Variants in THSD7A observed in about 807,000 individuals in gnomAD.
The protein encoded by THSD7A is thrombospondin type 1 domain containing 7A, also known as thrombospondin type-1 domain-containing protein 7A.
A neutral mutation model predicts 231.3 loss-of-function variants in THSD7A; 96 were observed. The ratio of observed to expected loss-of-function variants is 0.41; its 90% CI spans 0.35 to 0.49. THSD7A has a LOEUF of 0.49. Among genes scored for constraint, THSD7A ranks in the 20% least tolerant of loss-of-function variants. The probability of loss-of-function intolerance (pLI) is 0.05; values close to 1 mark genes in which losing one functional copy is unlikely to be tolerated. For missense variants in THSD7A, 2,290 were observed against 2,070.2 expected (o/e 1.11, Z -2.06); for synonymous variants, 940 against 743.3 (o/e 1.26, Z -4.30).
At chr7:11,531,320 G>C (rs998325112) in intron 6 of THSD7A, among the ~76,000 whole-genome samples, 3 of 152,088 alleles carry the variant, frequency 2.0e-5, no homozygotes, top group Non-Finnish European at 4.4e-5. Context: ...TCTCAACAAA[G>C]CAACATCAGT....
Position 11,372,593 on chromosome 7 carries a change from G to A in THSD7A, c.*3201C>T, listed in dbSNP as rs890966044. On this transcript the variant is annotated 3_prime_UTR_variant, in exon 28 of 28. Transcript: ENST00000423059. Reference sequence around the variant, plus strand: ...AAGAGATCAGTTAGTCCTATTCTACGTGGTTTCTAGTGAAATAGTCCAGCA... The same window carrying A: ...AAGAGATCAGTTAGTCCTATTCTACATGGTTTCTAGTGAAATAGTCCAGCA... 1.3e-5 allele frequency: 2 copies of A among 152,014 alleles called. No homozygotes were observed. Among genetic ancestry groups the A allele is most frequent in the South Asian group, 2.1e-4 (1 of 4,826 alleles). The allele number at this position is 152,014 out of a possible 1,614,324, so 9.4% of individuals were successfully genotyped here.
intron 6 of THSD7A, among the ~76,000 whole-genome samples, chr7:11,504,228 A>C (rs1181690945): frequency 6.6e-6 from 1 of 152,306 alleles, no homozygotes; most frequent in Non-Finnish European, 1.5e-5. Flanking sequence ...CAAATACCAC[A>C]TGCTTTCACC....
Position 11,459,833 on chromosome 7 carries a change from G to A in THSD7A, c.2605+829C>T, listed in dbSNP as rs190698215. ...AAATTTTTGTGTCAACATGAAATAC[G>A]TAACTACACATGGGAGAGCAAAATA... is the stretch of plus-strand genomic sequence containing the variant. On this transcript the variant is annotated intron_variant, in intron 11 of 27. Coordinates refer to ENST00000423059, the MANE Select transcript of THSD7A (RefSeq NM_015204.3). Among the ~76,000 whole-genome samples the A allele has an allele frequency of 1.9e-3, 284 of 151,752 alleles. 2 individuals carry two copies. The Middle Eastern group carries it at 0.02, about 11-fold the overall frequency.
At chr7:11,462,212 G>C (rs78979979) in intron 9 of THSD7A, 69 bp from the exon 10 acceptor site, 1 of 1,528,328 alleles carries the variant, frequency 6.5e-7, no homozygotes, top group African/African-American at 1.4e-5. Context: ...ACCAGTCTGT[G>C]TGAAGAAATT....
chr7:11,795,849 G>A (rs1469654884), intron 1 of THSD7A, among the ~76,000 whole-genome samples: 1 of 151,304 alleles, frequency 6.6e-6, no homozygotes, highest in African/African-American at 2.4e-5. Flanking sequence ...ATCCAAGCGA[G>A]GAGTCAGCAA....
intron 6 of THSD7A, among the ~76,000 whole-genome samples, chr7:11,512,377 C>T (rs777713749): frequency 1.8e-4 from 28 of 152,110 alleles, no homozygotes; most frequent in Non-Finnish European, 3.4e-4. Context: ...GTCAGTGTGG[C>T]GATTCCTCAA....
In THSD7A at chr7:11,444,098, A is replaced by G. The variant is rs1784887128; in HGVS notation, c.3064+1963T>C. Among the ~76,000 whole-genome samples, 2 of 152,146 alleles carry G rather than the reference A, an allele frequency of 1.3e-5. No homozygotes were observed. Among genetic ancestry groups the G allele is most frequent in the African/African-American group, 4.8e-5 (2 of 41,456 alleles). On this transcript the variant is annotated intron_variant, in intron 13 of 27. Transcript: ENST00000423059. The surrounding 1 kb of genome is among the most constrained non-coding windows in gnomAD (Gnocchi z 4.2). ...AGAAATGCAAATCAAAACCACAGTG[A>G]GATACCACCTCACACCAGTTAGAAT...
intron 1 of THSD7A, among the ~76,000 whole-genome samples, chr7:11,784,634 T>C (rs1208300977): frequency 6.6e-6 from 1 of 152,128 alleles, no homozygotes; most frequent in East Asian, 1.9e-4. Context: ...CTTGGTCTTC[T>C]TGAGTAGTAT....
At position 11,660,348 on chromosome 7, in the gene THSD7A, A is replaced by G. The variant is rs62434552; in HGVS notation, c.191-23387T>C. 6.8e-3 allele frequency among the ~76,000 whole-genome samples: 1,037 copies of G among 151,662 alleles called. 11 individuals are homozygous for G. The highest frequency in any genetic ancestry group is 0.012 in the Non-Finnish European group (833 of 67,628). ...CAATAACAAAGCAAAGACTTGCAGAAAATTCAGGTTGATATAAATTAAATA... is the reference window on the plus strand; with the variant it reads ...CAATAACAAAGCAAAGACTTGCAGAGAATTCAGGTTGATATAAATTAAATA... On this transcript the variant is annotated intron_variant, in intron 1 of 27. Coordinates refer to ENST00000423059, the MANE Select transcript of THSD7A (RefSeq NM_015204.3).
chr7:11,795,954 G>A (rs1318966288), intron 1 of THSD7A, among the ~76,000 whole-genome samples: 3 of 149,024 alleles, frequency 2.0e-5, no homozygotes, highest in Non-Finnish European at 4.5e-5. Context: ...AAATTGTAAT[G>A]CTCCCAATTA....
chr7:11,398,768 A>G (rs1056955419), intron 23 of THSD7A, among the ~76,000 whole-genome samples: 1 of 152,160 alleles, frequency 6.6e-6, no homozygotes, highest in Non-Finnish European at 1.5e-5. Flanking sequence ...TCTACACACC[A>G]GAGAGGTTTG....
chr7:11,559,430 G>C (rs999336760), intron 4 of THSD7A, among the ~76,000 whole-genome samples: 2 of 151,980 alleles, frequency 1.3e-5, no homozygotes, highest in Non-Finnish European at 2.9e-5. Context: ...ATATTCTTAG[G>C]AAGGTAAATA....
intron 2 of THSD7A, among the ~76,000 whole-genome samples, chr7:11,604,545 C>T (rs947806385): frequency 6.6e-6 from 1 of 151,906 alleles, no homozygotes; most frequent in Non-Finnish European, 1.5e-5. Flanking sequence ...AAAAATGTTT[C>T]TTTTTTTCCC....
chr7:11,519,666 T>G (rs1788180814), intron 6 of THSD7A, among the ~76,000 whole-genome samples: 1 of 152,224 alleles, frequency 6.6e-6, no homozygotes, highest in African/African-American at 2.4e-5. Context: ...TTAATGTATT[T>G]ATTGACTTAG....
At chr7:11,566,269 T>G (rs1790318483) in intron 4 of THSD7A, among the ~76,000 whole-genome samples, 1 of 152,200 alleles carries the variant, frequency 6.6e-6, no homozygotes, top group Non-Finnish European at 1.5e-5. Context: ...ATTTTTCAGT[T>G]TTCAGTACAT....
At chr7:11,471,654 T>C (rs1785943917) in intron 8 of THSD7A, among the ~76,000 whole-genome samples, 1 of 152,066 alleles carries the variant, frequency 6.6e-6, no homozygotes, top group Non-Finnish European at 1.5e-5. Context: ...TTGATTTATC[T>C]TGCGCTGGAA....
At chr7:11,778,833 T>A (rs1016402976) in intron 1 of THSD7A, among the ~76,000 whole-genome samples, 1 of 152,142 alleles carries the variant, frequency 6.6e-6, no homozygotes, top group African/African-American at 2.4e-5. Flanking sequence ...TTTCTATAAA[T>A]CTATGCACAA....
chr7:11,503,142 C>T (rs1350610337), intron 6 of THSD7A, among the ~76,000 whole-genome samples: 1 of 152,036 alleles, frequency 6.6e-6, no homozygotes, highest in Non-Finnish European at 1.5e-5. Flanking sequence ...GAATAGAGAG[C>T]CCAGAAATAA....
chr7:11,608,444 A>G lies in THSD7A; in HGVS notation c.1023-14942T>C, dbSNP rs79724893. Among the ~76,000 whole-genome samples, 1,336 of 152,236 alleles carry G rather than the reference A, an allele frequency of 8.8e-3. 7 individuals are homozygous for G. Among genetic ancestry groups the G allele is most frequent in the Non-Finnish European group, 0.011 (777 of 68,006 alleles). On this transcript the variant is annotated intron_variant, in intron 2 of 27. Coordinates refer to ENST00000423059, the MANE Select transcript of THSD7A (RefSeq NM_015204.3). ...AGAAACTAACACTAACATATCTGCA[A>G]TTAAAGGATAGAGGTTAAAGGCAAG...
Sources: gnomAD v4.1 joint callset for allele counts (sites outside exome capture counted in the v4.1 genomes callset) on GRCh38, gnomAD v4.1.1 for gene constraint, Gnocchi (gnomAD v3.1) non-coding constraint, MANE v1.5 for transcripts, NCBI Gene and HGNC (gene_info 2026-07-23, HGNC 2026-07-21) for gene names.